Variants in RSPH9 observed in about 807,000 individuals in gnomAD.
The protein encoded by RSPH9 is radial spoke head component 9, also known as radial spoke head protein 9 homolog.
In RSPH9, 27 loss-of-function variants were observed where a neutral mutation model predicts 27.0. That is an observed-to-expected ratio of 1.00 (90% CI 0.74 to 1.38). The LOEUF (loss-of-function observed/expected upper bound fraction) is 1.38, where lower values mean the gene tolerates loss of function less well. Among genes scored for constraint, RSPH9 ranks in the 40% most tolerant of loss-of-function variants. The pLI is 0.00. For synonymous variants in RSPH9, 145 were observed against 147.7 expected (o/e 0.98, Z 0.13); for missense variants, 347 against 357.4 (o/e 0.97, Z 0.24).
intron 3 of RSPH9, among the ~76,000 whole-genome samples, chr6:43,656,146 C>T (rs1306822905): frequency 1.4e-5 from 2 of 144,190 alleles, no homozygotes; most frequent in Non-Finnish European, 3.0e-5. Context: ...AGTGCAGTGG[C>T]ACAATCTTGG....
chr6:43,670,808 GGA>G lies in RSPH9; in HGVS notation c.694_695del (p.Arg232GlyfsTer58), dbSNP rs1271664712. 1.2e-6 allele frequency: 2 copies of G among 1,614,072 alleles called. No homozygotes were observed. Among genetic ancestry groups the G allele is most frequent in the African/African-American group, 2.7e-5 (2 of 74,936 alleles). On this transcript the variant is annotated frameshift_variant, in exon 5 of 5. Coordinates refer to ENST00000372163, the MANE Select transcript of RSPH9 (RefSeq NM_152732.5). LOFTEE classifies it high-confidence loss of function. The part of the protein sequence containing the change: ...IPKGSWSIQM[E>X]RGNALVVLRS... ...TCTCAGGGTCCTGGAGCATCCAGATGGAGAGGGGCAATGCCCTGGTGGTGCTG... is the reference window on the plus strand; with the variant it reads ...TCTCAGGGTCCTGGAGCATCCAGATGGAGGGGCAATGCCCTGGTGGTGCTG...
In RSPH9 at chr6:43,650,470, C is replaced by CAT; in HGVS notation, c.325_326dup (p.Glu110ThrfsTer11). On this transcript the variant is annotated frameshift_variant, in exon 2 of 5. Coordinates refer to ENST00000372163, the MANE Select transcript of RSPH9 (RefSeq NM_152732.5). LOFTEE classifies it high-confidence loss of function. ...AAGGGCCGCTTCATGGGGGACCCAT[C>CAT]ATACGAATATGAACACACTGAGCTG... 6.2e-7 allele frequency: 1 copy of CAT among 1,614,154 alleles called. No individual in the cohort carries two copies. Among genetic ancestry groups the CAT allele is most frequent in the Non-Finnish European group, 8.5e-7 (1 of 1,180,044 alleles).
chr6:43,670,494 T>C (rs1274337127), intron 4 of RSPH9, among the ~76,000 whole-genome samples: 1 of 152,144 alleles, frequency 6.6e-6, no homozygotes. Context: ...TCCCAGCTAC[T>C]CTGGAGGCTA....
chr6:43,669,144 C>T (rs1773445218), intron 4 of RSPH9, among the ~76,000 whole-genome samples: 1 of 152,188 alleles, frequency 6.6e-6, no homozygotes, highest in South Asian at 2.1e-4. Context: ...CCAGCCGGAG[C>T]CCCGCTAACA....
At chr6:43,664,660 T>C (rs1465906720) in intron 4 of RSPH9, among the ~76,000 whole-genome samples, 1 of 152,214 alleles carries the variant, frequency 6.6e-6, no homozygotes, top group East Asian at 1.9e-4. Context: ...CATTTGGGCT[T>C]CCATCATACA....
chr6:43,656,536 T>C, intron 3 of RSPH9, 41 bp from the exon 4 acceptor site: 2 of 1,613,762 alleles, frequency 1.2e-6, no homozygotes, highest in Non-Finnish European at 1.7e-6. Context: ...CTGGGGGGTT[T>C]TGGGCTAACC....
At chr6:43,659,479 T>A (rs574432585) in intron 4 of RSPH9, among the ~76,000 whole-genome samples, 6 of 149,226 alleles carry the variant, frequency 4.0e-5, no homozygotes, top group African/African-American at 1.5e-4. Flanking sequence ...GCCTCCCGGG[T>A]TCACGCCATT....
chr6:43,655,450 T>C, intron 2 of RSPH9, 112 bp from the exon 3 acceptor site: 1 of 1,162,414 alleles, frequency 8.6e-7, no homozygotes, highest in Admixed American at 1.7e-5. Context: ...TGTGTGGCTC[T>C]GGGGTCCACT....
At position 43,672,347 on chromosome 6, in the gene RSPH9, G is replaced by C. The variant is rs767545053; in HGVS notation, c.*1398G>C. On this transcript the variant is annotated 3_prime_UTR_variant, in exon 5 of 5. Coordinates refer to ENST00000372163, the MANE Select transcript of RSPH9 (RefSeq NM_152732.5). The stretch of plus-strand genomic sequence containing the variant: ...CCCCAACCTTCAGGGAACTCCCCAG[G>C]GTACTATAACTGGTATAAGACCCCT... The C allele has an allele frequency of 2.1e-6, 1 of 472,532 alleles. No homozygotes were observed. Among genetic ancestry groups the C allele is most frequent in the South Asian group, 1.5e-5 (1 of 64,556 alleles). The allele number at this position is 472,532 out of a possible 1,614,324, so 29.3% of individuals were successfully genotyped here.
At chr6:43,655,763 A>T (rs1771939584) in intron 3 of RSPH9, 72 bp downstream of exon 3, 1 of 1,548,716 alleles carries the variant, frequency 6.5e-7, no homozygotes, top group Non-Finnish European at 8.9e-7. Flanking sequence ...TATGTCTGGG[A>T]GTCCAGCAGG....
chr6:43,654,501 A>G (rs904220537), intron 2 of RSPH9, among the ~76,000 whole-genome samples: 1 of 152,076 alleles, frequency 6.6e-6, no homozygotes, highest in African/African-American at 2.4e-5. Flanking sequence ...CAGCCTGGGC[A>G]ACATGGAGAA....
At chr6:43,656,807 C>A in intron 4 of RSPH9, 84 bp downstream of exon 4, 1 of 1,497,950 alleles carries the variant, frequency 6.7e-7, no homozygotes, top group Non-Finnish European at 9.3e-7. Flanking sequence ...TCCTCTGAGA[C>A]TGGAACCAAG....
At chr6:43,645,387 G>C in intron 1 of RSPH9, 62 bp downstream of exon 1, 2 of 893,182 alleles carry the variant, frequency 2.2e-6, no homozygotes, top group Non-Finnish European at 3.5e-6. Flanking sequence ...GGCGGGGTGG[G>C]CGGGTCGCAG....
intron 4 of RSPH9, among the ~76,000 whole-genome samples, chr6:43,664,937 G>A (rs1773001933): frequency 6.6e-6 from 1 of 152,186 alleles, no homozygotes. Context: ...CTGAGGGGTG[G>A]GCCTACAGAA....
intron 1 of RSPH9, among the ~76,000 whole-genome samples, chr6:43,645,708 G>T (rs981078550): frequency 6.6e-6 from 1 of 152,228 alleles, no homozygotes; most frequent in Non-Finnish European, 1.5e-5. Flanking sequence ...GAAGCAGTGG[G>T]AAGGTTTCTG....
intron 4 of RSPH9, among the ~76,000 whole-genome samples, chr6:43,658,921 T>C (rs998136068): frequency 4.6e-5 from 7 of 152,294 alleles, no homozygotes; most frequent in African/African-American, 1.7e-4. Context: ...TTTCTTGACC[T>C]CGTGATCTGC....
rs1049900551 is a variant in RSPH9 at position 43,660,366 on chromosome 6, A to G, written c.670+3643A>G. Among the ~76,000 whole-genome samples the G allele has an allele frequency of 7.9e-5, 12 of 152,254 alleles. No individual in the cohort carries two copies. The South Asian group carries it at 2.1e-3, about 26-fold the overall frequency. On this transcript the variant is annotated intron_variant, in intron 4 of 4. Transcript: ENST00000372163. ...CTCCACTGACGTCTTGAACCTGTCA[A>G]TATCATCCATGAGGGTTGGAATCAA...
intron 2 of RSPH9, 151 bp from the exon 3 acceptor site, chr6:43,655,411 A>T: frequency 1.3e-6 from 1 of 764,472 alleles, no homozygotes; most frequent in Non-Finnish European, 2.3e-6. Context: ...CTTGATAGGA[A>T]GGAAGGCGAG....
intron 4 of RSPH9, 65 bp from the exon 5 acceptor site, chr6:43,670,724 A>G (rs2127936550): frequency 2.0e-6 from 3 of 1,511,584 alleles, no homozygotes; most frequent in South Asian, 1.1e-5. Flanking sequence ...CAGGGGCCAC[A>G]GCATGAAGGG....
Sources: allele counts gnomAD v4.1 joint callset (sites outside exome capture counted in the v4.1 genomes callset), GRCh38; gene constraint gnomAD v4.1.1; transcripts MANE v1.5; gene names NCBI Gene and HGNC (gene_info 2026-07-23, HGNC 2026-07-21).